XPR1: variants seen among roughly 807,000 people sequenced by gnomAD.
The protein encoded by XPR1 is solute carrier family 53 member 1.
XPR1 carries 28 observed loss-of-function variants against 87.5 expected under a neutral mutation model. The observed-to-expected ratio is 0.32, with a 90% CI of 0.24 to 0.44. The LOEUF is 0.44. XPR1 is among the 20% of genes least tolerant of loss of function. XPR1 has a pLI of 1.00. For missense variants in XPR1, 559 were observed against 862.3 expected (o/e 0.65, Z 4.41); for synonymous variants, 300 against 306.1 (o/e 0.98, Z 0.21).
chr1:180,866,497 G>C (rs1364192461), intron 12 of XPR1, among the ~76,000 whole-genome samples: 1 of 151,596 alleles, frequency 6.6e-6, no homozygotes, highest in Non-Finnish European at 1.5e-5. Context: ...TATTCCTCCT[G>C]AAAGACTTCC....
In XPR1 at chr1:180,665,452, T is replaced by G. The variant is rs529618812; in HGVS notation, c.70-16908T>G. Reference sequence around the variant, plus strand: ...CATTACTGGTCCAGGGCCTTGGGGATTGGGAACCACTGGCCTAGACAGTCT... The same window carrying G: ...CATTACTGGTCCAGGGCCTTGGGGAGTGGGAACCACTGGCCTAGACAGTCT... On this transcript the variant is annotated intron_variant, in intron 1 of 14. Transcript: ENST00000367590. 4.1e-4 allele frequency among the ~76,000 whole-genome samples: 62 copies of G among 152,332 alleles called. 2 individuals carry two copies. In the South Asian group the frequency reaches 0.013, roughly 32 times the overall value.
intron 6 of XPR1, among the ~76,000 whole-genome samples, chr1:180,809,154 A>C (rs1034738152): frequency 2.6e-5 from 4 of 152,194 alleles, no homozygotes; most frequent in African/African-American, 9.7e-5. Context: ...AAAGCAGAAA[A>C]AAAAGGTACC....
intron 13 of XPR1, chr1:180,877,920 A>G (rs1399872947): frequency 6.6e-6 from 1 of 152,212 alleles, no homozygotes; most frequent in Non-Finnish European, 1.5e-5. Flanking sequence ...ATTTTCAGAT[A>G]GGTGTATAAC....
intron 11 of XPR1, among the ~76,000 whole-genome samples, chr1:180,838,979 A>G (rs1651406662): frequency 6.6e-6 from 1 of 152,174 alleles, no homozygotes. Flanking sequence ...TTTATAAGTA[A>G]TTGTTGCAGA....
intron 3 of XPR1, among the ~76,000 whole-genome samples, chr1:180,798,552 T>C (rs776485702): frequency 9.9e-5 from 15 of 152,208 alleles, no homozygotes; most frequent in Non-Finnish European, 1.6e-4. Flanking sequence ...TGAGATGACC[T>C]AGACTTTAAT....
At chr1:180,724,678 T>C (rs6664966) in intron 2 of XPR1, among the ~76,000 whole-genome samples, 8,138 of 152,070 alleles carry the variant, frequency 0.054, 312 homozygotes, top group Non-Finnish European at 0.079. Context: ...TTGCCACTCA[T>C]TGAAGCACAA....
At chr1:180,840,780 G>A (rs991742655) in intron 11 of XPR1, among the ~76,000 whole-genome samples, 1 of 151,494 alleles carries the variant, frequency 6.6e-6, no homozygotes, top group African/African-American at 2.4e-5. Context: ...GGAAAAAATT[G>A]AAATATATAT....
At chr1:180,763,632 A>G (rs1421892312) in intron 2 of XPR1, among the ~76,000 whole-genome samples, 1 of 152,232 alleles carries the variant, frequency 6.6e-6, no homozygotes, top group Non-Finnish European at 1.5e-5. Flanking sequence ...AAAAGTGCCC[A>G]TATGTGACAT....
chr1:180,857,856 G>A (rs1285018780), intron 11 of XPR1, among the ~76,000 whole-genome samples: 1 of 152,126 alleles, frequency 6.6e-6, no homozygotes, highest in Non-Finnish European at 1.5e-5. Flanking sequence ...GCAGGTTATA[G>A]TATATACTCA....
chr1:180,864,370 C>G (rs1051913627), intron 12 of XPR1, among the ~76,000 whole-genome samples: 1 of 152,086 alleles, frequency 6.6e-6, no homozygotes, highest in Non-Finnish European at 1.5e-5. Flanking sequence ...TATAAACTAC[C>G]ATTATAGCAG....
chr1:180,687,677 G>C (rs1461098657), intron 2 of XPR1, among the ~76,000 whole-genome samples: 2 of 151,914 alleles, frequency 1.3e-5, no homozygotes, highest in African/African-American at 4.8e-5. Flanking sequence ...CAAATTCCTA[G>C]TTGTTTTGTT....
At chr1:180,658,788 C>G (rs1557942953) in intron 1 of XPR1, among the ~76,000 whole-genome samples, 1 of 150,472 alleles carries the variant, frequency 6.6e-6, no homozygotes, top group African/African-American at 2.4e-5. Context: ...GCAGGATGGT[C>G]TCAATCTCCT....
chr1:180,855,687 G>A (rs368720221), intron 11 of XPR1, among the ~76,000 whole-genome samples: 2 of 150,718 alleles, frequency 1.3e-5, no homozygotes, highest in East Asian at 1.9e-4. Context: ...AGTGGGGGGA[G>A]GGGGGACGGT....
chr1:180,877,229 A>G (rs182986382), intron 13 of XPR1, among the ~76,000 whole-genome samples: 6 of 152,364 alleles, frequency 3.9e-5, no homozygotes, highest in African/African-American at 1.4e-4. Flanking sequence ...GGCCAAGACT[A>G]TCCTGAAAAG....
At chr1:180,856,246 A>C (rs1030768764) in intron 11 of XPR1, among the ~76,000 whole-genome samples, 1 of 152,150 alleles carries the variant, frequency 6.6e-6, no homozygotes, top group Non-Finnish European at 1.5e-5. Context: ...ATTTTTTAAG[A>C]GATAAAGAGA....
intron 11 of XPR1, among the ~76,000 whole-genome samples, chr1:180,852,239 A>G (rs1292503635): frequency 1.3e-5 from 2 of 152,116 alleles, no homozygotes; most frequent in African/African-American, 4.8e-5. Flanking sequence ...TTTTGAGATA[A>G]TTGTAGAATC....
intron 2 of XPR1, among the ~76,000 whole-genome samples, chr1:180,695,494 T>C (rs773048311): frequency 3.3e-5 from 5 of 152,022 alleles, no homozygotes; most frequent in Non-Finnish European, 5.9e-5. Flanking sequence ...GTCTTAGTCA[T>C]GAAATGTTTT....
chr1:180,763,759 C>G (rs192311206), intron 2 of XPR1, among the ~76,000 whole-genome samples: 189 of 152,264 alleles, frequency 1.2e-3, no homozygotes, highest in African/African-American at 4.4e-3. Context: ...AAAACTGTTG[C>G]TAATGAAGCA....
intron 2 of XPR1, among the ~76,000 whole-genome samples, chr1:180,683,172 G>C (rs1020078935): frequency 3.4e-5 from 5 of 148,920 alleles, no homozygotes; most frequent in African/African-American, 1.2e-4. Context: ...GTGACCATGT[G>C]TTCTCATTGT....
Sources: gnomAD v4.1 joint callset for allele counts (sites outside exome capture counted in the v4.1 genomes callset) on GRCh38, gnomAD v4.1.1 for gene constraint, MANE v1.5 for transcripts, NCBI Gene and HGNC (gene_info 2026-07-23, HGNC 2026-07-21) for gene names.